The following ADAMTSL1 variants were observed in gnomAD, a reference collection of about 807,000 sequenced individuals.
ADAMTSL1 encodes ADAMTS-like protein 1.
In ADAMTSL1, 126 loss-of-function variants were observed where a neutral mutation model predicts 201.8. That is an observed-to-expected ratio of 0.62 (90% CI 0.54 to 0.72). The LOEUF (loss-of-function observed/expected upper bound fraction) is 0.72. ADAMTSL1 is among the 30% of genes least tolerant of loss of function. ADAMTSL1 has a pLI of 0.00. For synonymous variants in ADAMTSL1, 1,121 were observed against 903.4 expected (o/e 1.24, Z -4.32); for missense variants, 2,679 against 2,277.8 (o/e 1.18, Z -3.59).
intron 19 of ADAMTSL1, among the ~76,000 whole-genome samples, chr9:18,784,262 A>G (rs16937069): frequency 0.069 from 10,501 of 152,280 alleles, 410 homozygotes; most frequent in African/African-American, 0.084. Context: ...ACCATTGTGT[A>G]TTAAAATTAG....
intron 4 of ADAMTSL1, among the ~76,000 whole-genome samples, chr9:18,598,578 G>A (rs1032248759): frequency 2.0e-5 from 3 of 151,866 alleles, no homozygotes; most frequent in Non-Finnish European, 2.9e-5. Context: ...GATGATCACA[G>A]GAACATTCCA....
intron 1 of ADAMTSL1, among the ~76,000 whole-genome samples, chr9:17,989,918 CT>C (rs756953884): frequency 0.01 from 1,394 of 134,674 alleles, 11 homozygotes; most frequent in African/African-American, 0.027. Flanking sequence ...TTGTAAACAT[CT>C]TTTTTTTTTT....
At chr9:18,706,608 A>G (rs772097166) in intron 13 of ADAMTSL1, 139 bp from the exon 14 acceptor site, 33 of 816,574 alleles carry the variant, frequency 4.0e-5, no homozygotes, top group Non-Finnish European at 5.9e-5. Flanking sequence ...GCGCCATCAC[A>G]GGACAGGGTG....
intron 2 of ADAMTSL1, among the ~76,000 whole-genome samples, chr9:18,506,663 A>C (rs1817682755): frequency 6.6e-6 from 1 of 152,250 alleles, no homozygotes; most frequent in Non-Finnish European, 1.5e-5. Flanking sequence ...TGATACTACA[A>C]AAGATATCAG....
At chr9:18,458,902 G>T (rs1178196906) in intron 2 of ADAMTSL1, among the ~76,000 whole-genome samples, 1 of 152,152 alleles carries the variant, frequency 6.6e-6, no homozygotes, top group Non-Finnish European at 1.5e-5. Context: ...GAGGAGTTCA[G>T]AGCAAAAGTC....
intron 2 of ADAMTSL1, among the ~76,000 whole-genome samples, chr9:18,205,789 C>T (rs1431134649): frequency 6.6e-6 from 1 of 152,088 alleles, no homozygotes; most frequent in Non-Finnish European, 1.5e-5. Flanking sequence ...CACGGTGGCT[C>T]ATGCCTGTAA....
At chr9:17,969,800 G>C (rs1333602304) in intron 1 of ADAMTSL1, among the ~76,000 whole-genome samples, 1 of 151,814 alleles carries the variant, frequency 6.6e-6, no homozygotes, top group East Asian at 1.9e-4. Flanking sequence ...ATTTCCATTA[G>C]GCCAGTAAAA....
rs369787089 is a variant in ADAMTSL1 at position 18,719,023 on chromosome 9, C to T, written c.1877-2513C>T. Among the ~76,000 whole-genome samples the T allele has an allele frequency of 9.8e-5, 15 of 152,302 alleles. 1 individual carries two copies. In the East Asian group the frequency reaches 1.2e-3, roughly 12 times the overall value. ...AGCTACATCCAGTGACTTCTCATCA[C>T]TACCTTAATAATACTAGACTATTCC... On this transcript the variant is annotated intron_variant, in intron 14 of 28. Coordinates refer to ENST00000380548, the MANE Select transcript of ADAMTSL1 (RefSeq NM_001040272.6).
intron 2 of ADAMTSL1, among the ~76,000 whole-genome samples, chr9:18,182,966 A>G (rs1267671692): frequency 3.3e-5 from 5 of 152,224 alleles, no homozygotes; most frequent in African/African-American, 1.2e-4. Context: ...TAATGATCAT[A>G]TAGCTAGTAA....
At chr9:18,899,534 C>G (rs1829873770) in intron 26 of ADAMTSL1, among the ~76,000 whole-genome samples, 1 of 152,148 alleles carries the variant, frequency 6.6e-6, no homozygotes, top group African/African-American at 2.4e-5. Flanking sequence ...ATCACACTAC[C>G]TGACTGCAAA....
At chr9:18,562,851 G>T (rs1055674230) in intron 3 of ADAMTSL1, among the ~76,000 whole-genome samples, 1 of 152,162 alleles carries the variant, frequency 6.6e-6, no homozygotes, top group Non-Finnish European at 1.5e-5. Context: ...CTCATGCTCT[G>T]TTTATCAGCA....
At chr9:18,364,499 G>T (rs935768897) in intron 2 of ADAMTSL1, among the ~76,000 whole-genome samples, 1 of 152,088 alleles carries the variant, frequency 6.6e-6, no homozygotes. Context: ...AAAACTCCAA[G>T]AGACACGAGT....
intron 15 of ADAMTSL1, among the ~76,000 whole-genome samples, chr9:18,726,623 T>C (rs1170029930): frequency 6.6e-6 from 1 of 151,972 alleles, no homozygotes; most frequent in African/African-American, 2.4e-5. Context: ...AGTGTATGAC[T>C]GTTATTAATT....
intron 2 of ADAMTSL1, among the ~76,000 whole-genome samples, chr9:18,424,179 G>GA (rs1391831575): frequency 6.6e-6 from 1 of 152,224 alleles, no homozygotes. Context: ...GAGTAGACAA[G>GA]AAGCTGAACT....
intron 2 of ADAMTSL1, among the ~76,000 whole-genome samples, chr9:18,316,941 A>G (rs1219535710): frequency 6.6e-6 from 1 of 152,172 alleles, no homozygotes; most frequent in African/African-American, 2.4e-5. Flanking sequence ...TATTTATTGC[A>G]GCGTTATTCA....
intron 22 of ADAMTSL1, among the ~76,000 whole-genome samples, chr9:18,827,112 A>G (rs952845939): frequency 2.6e-5 from 4 of 151,614 alleles, no homozygotes; most frequent in African/African-American, 9.7e-5. Flanking sequence ...TGGACTAGGG[A>G]CACCCTGCTG....
chr9:18,892,804 T>A (rs1829372478), intron 26 of ADAMTSL1, among the ~76,000 whole-genome samples: 1 of 152,220 alleles, frequency 6.6e-6, no homozygotes, highest in African/African-American at 2.4e-5. Flanking sequence ...ACCAATGTGA[T>A]TGAATGAATG....
Position 18,181,855 on chromosome 9 carries a change from T to C in ADAMTSL1, c.207+17874T>C, listed in dbSNP as rs1198772099. Among the ~76,000 whole-genome samples the C allele has an allele frequency of 2.0e-5, 3 of 152,026 alleles. No homozygotes were observed. The East Asian group carries it at 5.8e-4, about 29-fold the overall frequency. On this transcript the variant is annotated intron_variant, in intron 2 of 29. Coordinates refer to the ADAMTSL1 transcript ENST00000680146. ...ATGCACACGTATGTTTATTGCGGCA[T>C]TATTCACAATAGCAAAGACTTGGAG...
chr9:18,657,271 T>C (rs182949966), intron 7 of ADAMTSL1, among the ~76,000 whole-genome samples: 331 of 152,372 alleles, frequency 2.2e-3, no homozygotes, highest in Non-Finnish European at 3.7e-3. Flanking sequence ...GAACAAATTG[T>C]CTATTTCTGA....
Sources: gnomAD v4.1 joint callset for allele counts (sites outside exome capture counted in the v4.1 genomes callset) on GRCh38, gnomAD v4.1.1 for gene constraint, MANE v1.5 for transcripts, NCBI Gene and HGNC (gene_info 2026-07-23, HGNC 2026-07-21) for gene names.